Variants in CTNNA3 observed in about 807,000 individuals in gnomAD.
CTNNA3 encodes the protein catenin alpha 3.
A neutral mutation model predicts 95.7 loss-of-function variants in CTNNA3; 76 were observed. That is an observed-to-expected ratio of 0.79 (90% CI 0.66 to 0.96). CTNNA3 has a LOEUF of 0.96. CTNNA3 is among the 40% of genes least tolerant of loss of function. The probability of loss-of-function intolerance (pLI) is 0.00; values close to 1 mark genes in which losing one functional copy is unlikely to be tolerated. For missense variants in CTNNA3, 1,191 were observed against 1,089.8 expected, an observed-to-expected ratio of 1.09 and a Z score of -1.31; for synonymous variants, 431 against 374.4, an observed-to-expected ratio of 1.15 and a Z score of -1.74.
At chr10:66,921,032 T>TA (rs1846758655) in intron 7 of CTNNA3, among the ~76,000 whole-genome samples, 1 of 152,116 alleles carries the variant, frequency 6.6e-6, no homozygotes, top group Non-Finnish European at 1.5e-5. Context: ...TAAACAAAAA[T>TA]ACTATATCCT....
chr10:66,373,009 TC>T (rs2092765554), intron 12 of CTNNA3, among the ~76,000 whole-genome samples: 1 of 152,134 alleles, frequency 6.6e-6, no homozygotes, highest in Non-Finnish European at 1.5e-5. Context: ...TCTTTATGAT[TC>T]TTTAATATCC....
At chr10:66,582,342 T>C (rs1268291388) in intron 10 of CTNNA3, among the ~76,000 whole-genome samples, 1 of 151,834 alleles carries the variant, frequency 6.6e-6, no homozygotes, top group Non-Finnish European at 1.5e-5. Context: ...ATTTTTCTTG[T>C]AGAGATACTA....
chr10:67,218,171 G>GT (rs1864473210), intron 6 of CTNNA3, among the ~76,000 whole-genome samples: 1 of 152,048 alleles, frequency 6.6e-6, no homozygotes. Context: ...TGCTCAACCC[G>GT]TATGATCCTA....
chr10:65,961,758 T>C (rs1412069355), intron 17 of CTNNA3, among the ~76,000 whole-genome samples: 1 of 146,068 alleles, frequency 6.8e-6, no homozygotes, highest in Non-Finnish European at 1.5e-5. Context: ...GAATAGTTTG[T>C]AAAAAAAAAA....
chr10:67,451,971 A>G (rs7904732), intron 5 of CTNNA3, among the ~76,000 whole-genome samples: 46,150 of 149,588 alleles, frequency 0.31, 11,699 homozygotes, highest in African/African-American at 0.7. Context: ...TGATAACTAC[A>G]TGCAAACACA....
chr10:66,960,533 T>C (rs934513954), intron 7 of CTNNA3, among the ~76,000 whole-genome samples: 1 of 152,148 alleles, frequency 6.6e-6, no homozygotes, highest in African/African-American at 2.4e-5. Context: ...AGATAATATG[T>C]AGCATGAAAA....
intron 1 of CTNNA3, among the ~76,000 whole-genome samples, chr10:67,683,485 T>G (rs901225637): frequency 3.3e-5 from 5 of 152,240 alleles, no homozygotes; most frequent in Middle Eastern, 6.3e-3. Context: ...TGCCTCTCAG[T>G]TATTCTGTGG....
chr10:67,548,917 A>T (rs184510352), intron 3 of CTNNA3, among the ~76,000 whole-genome samples: 9 of 152,252 alleles, frequency 5.9e-5, no homozygotes, highest in Admixed American at 5.9e-4. Flanking sequence ...AATAATAAAA[A>T]GACAATCCTG....
At chr10:66,689,594 T>C (rs548960508) in intron 9 of CTNNA3, among the ~76,000 whole-genome samples, 211 of 152,314 alleles carry the variant, frequency 1.4e-3, no homozygotes, top group Non-Finnish European at 2.4e-3. Context: ...AGTTTTCTAG[T>C]AGCCCAAGAG....
chr10:66,834,219 A>G (rs535093999), intron 7 of CTNNA3, among the ~76,000 whole-genome samples: 1 of 152,300 alleles, frequency 6.6e-6, no homozygotes, highest in African/African-American at 2.4e-5. Context: ...CAGGTTAGCT[A>G]TTAAGTAGAT....
intron 5 of CTNNA3, among the ~76,000 whole-genome samples, chr10:67,263,973 G>T (rs897654318): frequency 6.6e-6 from 1 of 151,714 alleles, no homozygotes; most frequent in African/African-American, 2.4e-5. Flanking sequence ...GTTTGATAAC[G>T]TCAGCTTTTT....
intron 9 of CTNNA3, among the ~76,000 whole-genome samples, chr10:66,639,571 G>C (rs1845447141): frequency 6.6e-6 from 1 of 152,080 alleles, no homozygotes. Flanking sequence ...AATATGTCCA[G>C]TTAGTGGAAA....
chr10:66,819,106 A>AAAT (rs1247605688), intron 7 of CTNNA3, among the ~76,000 whole-genome samples: 1 of 150,320 alleles, frequency 6.7e-6, no homozygotes, highest in Non-Finnish European at 1.5e-5. Flanking sequence ...AAAAAAAAAA[A>AAAT]AAAAAAAAAG....
chr10:67,676,099 C>A (rs1230589408), intron 1 of CTNNA3, among the ~76,000 whole-genome samples: 1 of 151,950 alleles, frequency 6.6e-6, no homozygotes, highest in Non-Finnish European at 1.5e-5. Flanking sequence ...AAAATATTTA[C>A]CCAAGGATGG....
At chr10:66,992,581 T>C (rs1169405286) in intron 7 of CTNNA3, among the ~76,000 whole-genome samples, 1 of 152,170 alleles carries the variant, frequency 6.6e-6, no homozygotes, top group Non-Finnish European at 1.5e-5. Flanking sequence ...AATGAATAAA[T>C]GTATCAGTCT....
intron 11 of CTNNA3, among the ~76,000 whole-genome samples, chr10:66,401,086 A>G (rs1453496191): frequency 2.6e-5 from 4 of 152,176 alleles, no homozygotes. Context: ...TGACTAAATT[A>G]TGAGTCCTTG....
chr10:67,577,628 T>TA (rs1842209915), intron 3 of CTNNA3, among the ~76,000 whole-genome samples: 1 of 151,316 alleles, frequency 6.6e-6, no homozygotes, highest in African/African-American at 2.4e-5. Context: ...AATGCCTAGG[T>TA]TTTGTATATA....
chr10:66,408,859 T>C (rs1200238027), intron 11 of CTNNA3, among the ~76,000 whole-genome samples: 1 of 152,042 alleles, frequency 6.6e-6, no homozygotes, highest in Non-Finnish European at 1.5e-5. Context: ...AATTGGAGAG[T>C]TCTTCATACT....
At chr10:66,054,061 A>G (rs2080020033) in intron 15 of CTNNA3, among the ~76,000 whole-genome samples, 2 of 152,176 alleles carry the variant, frequency 1.3e-5, no homozygotes, top group Admixed American at 1.3e-4. Context: ...ACAGGATTTC[A>G]TTCTTTTTAT....
Sources: gnomAD v4.1 joint callset for allele counts (sites outside exome capture counted in the v4.1 genomes callset) on GRCh38, gnomAD v4.1.1 for gene constraint, MANE v1.5 for transcripts, NCBI Gene and HGNC (gene_info 2026-07-23, HGNC 2026-07-21) for gene names.